Variants in PRRC2B observed in about 807,000 individuals in gnomAD.
PRRC2B encodes proline rich coiled-coil 2B.
In PRRC2B, 68 loss-of-function variants were observed where a neutral mutation model predicts 242.3. The ratio of observed to expected loss-of-function variants is 0.28; its 90% CI spans 0.23 to 0.34. The LOEUF (loss-of-function observed/expected upper bound fraction) is 0.34, where lower values mean the gene tolerates loss of function less well. Among genes scored for constraint, PRRC2B ranks in the 10% least tolerant of loss-of-function variants. PRRC2B has a pLI of 1.00. For synonymous variants in PRRC2B, 1,228 were observed against 1,173.6 expected, an observed-to-expected ratio of 1.05 and a Z score of -0.95; for missense variants, 2,835 against 2,954.8, an observed-to-expected ratio of 0.96 and a Z score of 0.94.
At chr9:131,485,543 G>A in intron 25 of PRRC2B, 1 of 503,996 alleles carries the variant, frequency 2.0e-6, no homozygotes, top group Non-Finnish European at 3.9e-6. Context: ...TACCTGGAAA[G>A]GGCTTTGTAT....
chr9:131,375,407 TA>T (rs960804190), intron 1 of PRRC2B, among the ~76,000 whole-genome samples: 1 of 150,930 alleles, frequency 6.6e-6, no homozygotes, highest in African/African-American at 2.4e-5. Context: ...TCAAAAAAAA[TA>T]AAAAAAATAA....
chr9:131,416,713 G>A (rs1444575132), intron 1 of PRRC2B, among the ~76,000 whole-genome samples: 1 of 151,460 alleles, frequency 6.6e-6, no homozygotes, highest in Non-Finnish European at 1.5e-5. Flanking sequence ...TGATGACCAT[G>A]ACAGTTTTGA....
At chr9:131,408,702 C>T (rs560804158) in intron 1 of PRRC2B, among the ~76,000 whole-genome samples, 25 of 151,642 alleles carry the variant, frequency 1.6e-4, no homozygotes, top group African/African-American at 6.0e-4. Context: ...GGATTGTTTT[C>T]TTGTGCACAC....
chr9:131,490,374 A>T, intron 28 of PRRC2B: 1 of 499,596 alleles, frequency 2.0e-6, no homozygotes, highest in Admixed American at 2.0e-5. Context: ...AAGTCAGATC[A>T]TACCCCAAGT....
At chr9:131,467,002 T>C (rs1440723465) in intron 12 of PRRC2B, among the ~76,000 whole-genome samples, 1 of 151,974 alleles carries the variant, frequency 6.6e-6, no homozygotes, top group African/African-American at 2.4e-5. Flanking sequence ...GGGGTTTCAC[T>C]GTGTTAGCCA....
Position 131,495,749 on chromosome 9 carries a change from C to A in PRRC2B, c.6565C>A (p.Arg2189=). 1 of 1,611,000 alleles carries A rather than the reference C, an allele frequency of 6.2e-7. No individual in the cohort carries two copies. The highest frequency in any genetic ancestry group is 8.5e-7 in the Non-Finnish European group (1 of 1,177,422). Residue 2189 remains arginine, a synonymous_variant, in exon 32 of 32, where the codon CGA becomes AGA. Coordinates refer to ENST00000683519, the MANE Select transcript of PRRC2B (RefSeq NM_013318.4). ...QGHYVQQAKQ[R]VDEKPSLGAV... ...ATTCATCTGTCCAAAGGCAAAACAA[C>A]GAGTGGATGAGAAACCCAGCCTGGG...
At chr9:131,385,985 GC>G (rs757524616) in intron 1 of PRRC2B, among the ~76,000 whole-genome samples, 10 of 150,468 alleles carry the variant, frequency 6.6e-5, no homozygotes, top group Non-Finnish European at 1.5e-4. Flanking sequence ...GAACCACGGC[GC>G]CCGGCCATCA....
upstream of PRRC2B, chr9:131,394,067 G>C (rs1385236867): frequency 1.3e-5 from 2 of 149,802 alleles, no homozygotes; most frequent in Non-Finnish European, 3.0e-5. Flanking sequence ...GGGGAGCCGA[G>C]CGCGAGGGAG....
intron 9 of PRRC2B, among the ~76,000 whole-genome samples, chr9:131,453,196 T>C (rs1942974213): frequency 1.3e-5 from 2 of 152,216 alleles, no homozygotes; most frequent in South Asian, 4.1e-4. Context: ...TTGCAGTCTG[T>C]TTTGTCCTGT....
At chr9:131,485,777 T>A (rs756052520) in intron 25 of PRRC2B, 14 of 644,248 alleles carry the variant, frequency 2.2e-5, no homozygotes, top group Non-Finnish European at 3.8e-5. Flanking sequence ...TAAAGTAGAA[T>A]GCCCCTTCGA....
chr9:131,455,507 CTTCTTT>C (rs1564289292), intron 10 of PRRC2B, among the ~76,000 whole-genome samples: 1 of 106,866 alleles, frequency 9.4e-6, no homozygotes, highest in African/African-American at 3.5e-5. Flanking sequence ...CTGGGTTCAA[CTTCTTT>C]TTTTTTTTTT....
intron 1 of PRRC2B, among the ~76,000 whole-genome samples, chr9:131,410,310 G>A (rs1005198211): frequency 2.3e-4 from 35 of 152,298 alleles, no homozygotes; most frequent in African/African-American, 7.9e-4. Context: ...AGACTCTGGG[G>A]GTGTGGGATG....
chr9:131,483,379 A>G lies in PRRC2B; in HGVS notation c.5394A>G (p.Pro1798=). The change falls in exon 23 of 32, where the codon CCA becomes CCG. Residue 1798 remains proline (P), a synonymous_variant. Transcript: ENST00000683519. The part of the protein sequence containing the change: ...VSPKDSDFSL[P]PGSASGPTGS... Reference sequence around the variant, plus strand: ...TTCAGGACTCCGATTTCAGCTTGCCACCTGGTTCTGCCTCTGGTCCTACTG... The same window carrying G: ...TTCAGGACTCCGATTTCAGCTTGCCGCCTGGTTCTGCCTCTGGTCCTACTG... The G allele has an allele frequency of 6.2e-7, 1 of 1,613,784 alleles. No homozygotes were observed. Among genetic ancestry groups the G allele is most frequent in the Non-Finnish European group, 8.5e-7 (1 of 1,179,882 alleles).
intron 1 of PRRC2B, among the ~76,000 whole-genome samples, chr9:131,419,822 G>A (rs1432637411): frequency 6.6e-6 from 1 of 151,922 alleles, no homozygotes; most frequent in Non-Finnish European, 1.5e-5. Flanking sequence ...AGAAGGCTGG[G>A]TGGCGGCGTG....
intron 9 of PRRC2B, among the ~76,000 whole-genome samples, chr9:131,450,275 T>TTTTTTTTCCCGAGACAGAGTCTTGCTC (rs1942870059): frequency 6.6e-6 from 1 of 152,048 alleles, no homozygotes; most frequent in Non-Finnish European, 1.5e-5. Flanking sequence ...AAATTTTTTT[T>TTTTTTTTCCCGAGACAGAGTCTTGCTC]TTTTTTTCCC....
chr9:131,444,360 G>A (rs1352520044), intron 6 of PRRC2B, 32 bp downstream of exon 6: 1 of 1,599,904 alleles, frequency 6.3e-7, no homozygotes, highest in Non-Finnish European at 8.5e-7. Flanking sequence ...GCACTCGATG[G>A]AGTAACAGAA....
rs142879877 is a variant in PRRC2B, at chr9:131,474,871, G to A, written c.2742G>A (p.Ser914=). The A allele has an allele frequency of 1.4e-4, 232 of 1,604,710 alleles. No homozygotes were observed. The East Asian group carries it at 2.6e-3, about 18-fold the overall frequency. ...GGAGCCCCAACAAACAGCCATCCTCGGAGCCTGAATGGACTCCCGAGCCCC... is the reference window on the plus strand; with the variant it reads ...GGAGCCCCAACAAACAGCCATCCTCAGAGCCTGAATGGACTCCCGAGCCCC... The part of the protein sequence containing the change: ...KNGSPNKQPS[S]EPEWTPEPRS... The change falls in exon 16 of 32, where the codon TCG becomes TCA. Residue 914 remains serine, a synonymous_variant. Transcript: ENST00000683519.
Position 131,499,065 on chromosome 9 carries a change from G to A in PRRC2B, c.*3191G>A, listed in dbSNP as rs1944402457. On this transcript the variant is annotated 3_prime_UTR_variant, in exon 32 of 32. Transcript: ENST00000683519. ...TTCCTTAAGGGGGAAAACAAAAGATGACTTTATTTCACATTCAAGAAAATC... is the reference window on the plus strand; with the variant it reads ...TTCCTTAAGGGGGAAAACAAAAGATAACTTTATTTCACATTCAAGAAAATC... 1 of 152,234 alleles carries A rather than the reference G, an allele frequency of 6.6e-6. No individual in the cohort carries two copies. Among genetic ancestry groups the A allele is most frequent in the South Asian group, 2.1e-4 (1 of 4,832 alleles). The allele number at this position is 152,234 out of a possible 1,614,324, so 9.4% of individuals were successfully genotyped here.
chr9:131,399,791 C>T (rs1049231836), intron 1 of PRRC2B, among the ~76,000 whole-genome samples: 1 of 152,024 alleles, frequency 6.6e-6, no homozygotes, highest in South Asian at 2.1e-4. Context: ...GTGTATTCCT[C>T]TACGTTATTT....
Sources: allele counts gnomAD v4.1 joint callset (sites outside exome capture counted in the v4.1 genomes callset), GRCh38; gene constraint gnomAD v4.1.1; transcripts MANE v1.5; gene names NCBI Gene and HGNC (gene_info 2026-07-23, HGNC 2026-07-21).